Variants in ASIC2 observed in about 807,000 individuals in gnomAD.
ASIC2 encodes acid sensing ion channel subunit 2, also known as acid-sensing ion channel 2.
ASIC2 carries 25 observed loss-of-function variants against 57.3 expected under a neutral mutation model. The ratio of observed to expected loss-of-function variants is 0.44; its 90% CI spans 0.32 to 0.61. ASIC2 has a LOEUF of 0.61. Ranked by LOEUF, ASIC2 falls within the 20% of genes least tolerant of loss-of-function variation. The pLI, the probability that ASIC2 is intolerant of heterozygous loss-of-function variation, is 0.06. For missense variants in ASIC2, 641 were observed against 738.1 expected (o/e 0.87, Z 1.52); for synonymous variants, 319 against 307.5 (o/e 1.04, Z -0.39).
chr17:33,105,134 A>T (rs1412018355), intron 2 of ASIC2, among the ~76,000 whole-genome samples: 2 of 152,190 alleles, frequency 1.3e-5, no homozygotes, highest in Admixed American at 1.3e-4. Context: ...AGACAATAAA[A>T]AACAATAAGG....
chr17:33,167,406 C>T (rs1905344251), intron 1 of ASIC2, among the ~76,000 whole-genome samples: 1 of 152,164 alleles, frequency 6.6e-6, no homozygotes, highest in South Asian at 2.1e-4. Context: ...CTTAGTACTG[C>T]CACCGTCACA....
chr17:33,361,852 C>T (rs893797634), intron 1 of ASIC2, among the ~76,000 whole-genome samples: 4 of 152,212 alleles, frequency 2.6e-5, no homozygotes, highest in African/African-American at 9.6e-5. Flanking sequence ...GTAACTACTG[C>T]CACTTCAGCC....
chr17:33,256,300 T>C (rs1909066834), intron 1 of ASIC2, among the ~76,000 whole-genome samples: 1 of 152,140 alleles, frequency 6.6e-6, no homozygotes, highest in Non-Finnish European at 1.5e-5. Flanking sequence ...AGGTTTGAGA[T>C]ACATTAAGTA....
intron 1 of ASIC2, among the ~76,000 whole-genome samples, chr17:33,286,919 T>C (rs994552445): frequency 2.0e-5 from 3 of 152,204 alleles, no homozygotes; most frequent in East Asian, 1.9e-4. Flanking sequence ...GTCGATTGAA[T>C]GAATGAACTG....
intron 1 of ASIC2, among the ~76,000 whole-genome samples, chr17:33,656,436 T>G (rs1488907250): frequency 1.3e-5 from 2 of 152,196 alleles, no homozygotes; most frequent in African/African-American, 4.8e-5. Context: ...ACATTGCAAA[T>G]GGCCTAAGAC....
At chr17:33,929,489 TG>T (rs1915887418) in intron 1 of ASIC2, among the ~76,000 whole-genome samples, 1 of 152,228 alleles carries the variant, frequency 6.6e-6, no homozygotes, top group South Asian at 2.1e-4. Flanking sequence ...CATCACCTTC[TG>T]GGGCTCTGAA....
intron 1 of ASIC2, among the ~76,000 whole-genome samples, chr17:33,501,669 G>C (rs1018682033): frequency 6.6e-6 from 1 of 152,210 alleles, no homozygotes; most frequent in Non-Finnish European, 1.5e-5. Context: ...CTGCCTATCA[G>C]CATGGTAGAG....
intron 1 of ASIC2, among the ~76,000 whole-genome samples, chr17:33,151,607 C>G (rs1239295455): frequency 6.6e-6 from 1 of 152,142 alleles, no homozygotes; most frequent in Non-Finnish European, 1.5e-5. Flanking sequence ...GGGCTCTGCT[C>G]TCATGAATAA....
chr17:33,930,448 G>A (rs1915907374), intron 1 of ASIC2, among the ~76,000 whole-genome samples: 1 of 152,124 alleles, frequency 6.6e-6, no homozygotes, highest in African/African-American at 2.4e-5. Flanking sequence ...TTCTATCCAG[G>A]ATCTCAGTGG....
rs930212627 is a variant in ASIC2, at chr17:33,087,672, C to T, written c.987+1191G>A. Among the ~76,000 whole-genome samples, 8 of 148,634 alleles carry T rather than the reference C, an allele frequency of 5.4e-5. No individual in the cohort carries two copies. The South Asian group carries it at 1.5e-3, about 28-fold the overall frequency. ...AGCTCAGTCAGCTCAAGTGATCCTC[C>T]CACCTCCAACCGCCCAAGTAGCTGG... On this transcript the variant is annotated intron_variant, in intron 3 of 9. Transcript: ENST00000225823.
chr17:33,573,154 T>C (rs550254504), intron 1 of ASIC2, among the ~76,000 whole-genome samples: 5 of 152,190 alleles, frequency 3.3e-5, no homozygotes, highest in Admixed American at 6.5e-5. Flanking sequence ...TGGATAAGCA[T>C]GGTTCATATA....
chr17:33,828,194 G>A (rs2051042003), intron 1 of ASIC2: 1 of 152,166 alleles, frequency 6.6e-6, no homozygotes, highest in African/African-American at 2.4e-5. Context: ...ACATGTGCAT[G>A]TGTCTTTATA....
chr17:33,841,119 C>A (rs755789805), intron 1 of ASIC2, among the ~76,000 whole-genome samples: 77 of 152,182 alleles, frequency 5.1e-4, no homozygotes, highest in Non-Finnish European at 1.0e-3. Context: ...ATTAGCTGTT[C>A]TGGTTTACCT....
rs144951725 is a variant in ASIC2 at position 33,085,333 on chromosome 17, T to C, written c.987+3530A>G. On this transcript the variant is annotated intron_variant, in intron 3 of 9. Coordinates refer to ENST00000225823, the MANE Select transcript of ASIC2 (RefSeq NM_183377.2). The stretch of plus-strand genomic sequence containing the variant: ...AAGAAAGAATAACAAACACTGCTTA[T>C]TGTAATTTTAAGACTTAATTGATTG... Among the ~76,000 whole-genome samples the C allele has an allele frequency of 4.8e-3, 726 of 152,304 alleles. 7 individuals are homozygous for C. The highest frequency in any genetic ancestry group is 0.017 in the African/African-American group (703 of 41,548).
intron 1 of ASIC2, among the ~76,000 whole-genome samples, chr17:33,329,392 G>A (rs144573388): frequency 1.3e-5 from 2 of 152,270 alleles, no homozygotes; most frequent in African/African-American, 4.8e-5. Flanking sequence ...TAATTCTGTT[G>A]GGTTAATGAG....
At chr17:34,083,525 T>C (rs927497002) in intron 1 of ASIC2, among the ~76,000 whole-genome samples, 10 of 152,110 alleles carry the variant, frequency 6.6e-5, no homozygotes, top group Non-Finnish European at 8.8e-5. Context: ...TATAGTCCTT[T>C]GGGTATATAC....
At chr17:33,605,885 C>G (rs1275686980) in intron 1 of ASIC2, among the ~76,000 whole-genome samples, 1 of 152,172 alleles carries the variant, frequency 6.6e-6, no homozygotes, top group East Asian at 1.9e-4. Context: ...GCATGCTCCC[C>G]CTGTCCCCAC....
At chr17:33,634,669 C>T (rs574089272) in intron 1 of ASIC2, 17 of 151,056 alleles carry the variant, frequency 1.1e-4, no homozygotes, top group Admixed American at 1.1e-3. Flanking sequence ...GCGCCCAACA[C>T]CACACCCGGC....
chr17:33,932,741 A>AAAAAAAT (rs1555572867), intron 1 of ASIC2: 1 of 58,714 alleles, frequency 1.7e-5, no homozygotes, highest in Non-Finnish European at 3.1e-5. Flanking sequence ...AAAAAAAAAA[A>AAAAAAAT]ATATATATAT....
Sources: gnomAD v4.1 joint callset for allele counts (sites outside exome capture counted in the v4.1 genomes callset) on GRCh38, gnomAD v4.1.1 for gene constraint, MANE v1.5 for transcripts, NCBI Gene and HGNC (gene_info 2026-07-23, HGNC 2026-07-21) for gene names.